The following B4GALT6 variants were observed in gnomAD, a reference collection of about 807,000 sequenced individuals.
B4GALT6 encodes UDP-Gal:beta-GlcNAc beta-1,4-galactosyltransferase 6.
In B4GALT6, 14 loss-of-function variants were observed where a neutral mutation model predicts 46.3. The observed-to-expected ratio is 0.30, with a 90% CI of 0.20 to 0.47. The LOEUF is 0.47. Ranked by LOEUF, B4GALT6 falls within the 20% of genes least tolerant of loss-of-function variation. The pLI, the probability that B4GALT6 is intolerant of heterozygous loss-of-function variation, is 0.99. For synonymous variants in B4GALT6, 168 were observed against 162.0 expected, an observed-to-expected ratio of 1.04 and a Z score of -0.28; for missense variants, 386 against 480.1, an observed-to-expected ratio of 0.80 and a Z score of 1.83.
chr18:31,653,445 T>C (rs1440322237), intron 3 of B4GALT6, among the ~76,000 whole-genome samples: 4 of 142,324 alleles, frequency 2.8e-5, no homozygotes, highest in Non-Finnish European at 4.6e-5. Flanking sequence ...CTTTTTTTTT[T>C]TTTTTTTTTT....
chr18:31,656,292 A>G (rs1033406598), intron 3 of B4GALT6, among the ~76,000 whole-genome samples: 11 of 152,198 alleles, frequency 7.2e-5, no homozygotes, highest in Middle Eastern at 3.2e-3. Flanking sequence ...GATACAAAAT[A>G]CATCAGAATA....
chr18:31,635,655 G>A (rs6506934), intron 5 of B4GALT6, among the ~76,000 whole-genome samples: 10,740 of 152,134 alleles, frequency 0.071, 1,293 homozygotes, highest in African/African-American at 0.25. Context: ...AAAAATTTGA[G>A]TATTTTCCAA....
chr18:31,697,166 G>T, the B4GALT6 span, among the ~76,000 whole-genome samples: 1 of 152,114 alleles, frequency 6.6e-6, no homozygotes, highest in African/African-American at 2.4e-5. Context: ...CAACTACTCA[G>T]AAGGCTGAGG....
upstream of B4GALT6, among the ~76,000 whole-genome samples, chr18:31,684,900 G>A (rs1007109668): frequency 1.3e-5 from 2 of 149,656 alleles, no homozygotes; most frequent in African/African-American, 4.9e-5. Flanking sequence ...CCGTGCTTAA[G>A]GTCCGGGCCG....
chr18:31,679,415 C>T (rs1220761077), intron 1 of B4GALT6, among the ~76,000 whole-genome samples: 1 of 152,226 alleles, frequency 6.6e-6, no homozygotes, highest in Admixed American at 6.5e-5. Context: ...TCTAACTCAT[C>T]TCTCATCTCT....
chr18:31,641,826 C>T (rs1391395280), intron 4 of B4GALT6, among the ~76,000 whole-genome samples: 1 of 152,170 alleles, frequency 6.6e-6, no homozygotes, highest in Non-Finnish European at 1.5e-5. Flanking sequence ...CTTATTTTCT[C>T]CTATATACAC....
intron 2 of B4GALT6, among the ~76,000 whole-genome samples, chr18:31,659,061 C>G (rs1285505209): frequency 6.6e-6 from 1 of 152,158 alleles, no homozygotes; most frequent in Non-Finnish European, 1.5e-5. Flanking sequence ...AAGAGAATGA[C>G]ATCAACATGC....
At chr18:31,724,079 G>A in the B4GALT6 span, 8 of 311,508 alleles carry the variant, frequency 2.6e-5, no homozygotes, top group South Asian at 2.0e-4. Flanking sequence ...GGGAGGTTTG[G>A]GCTGGATTGT....
At chr18:31,679,484 A>G (rs1487891526) in intron 1 of B4GALT6, among the ~76,000 whole-genome samples, 1 of 152,250 alleles carries the variant, frequency 6.6e-6, no homozygotes, top group Non-Finnish European at 1.5e-5. Flanking sequence ...GAAGGAGGGT[A>G]GCAAATCCCA....
the B4GALT6 span, among the ~76,000 whole-genome samples, chr18:31,721,095 A>T: frequency 7.0e-6 from 1 of 142,870 alleles, no homozygotes. Context: ...CACTTTAGGA[A>T]GTTCTTGGCA....
chr18:31,722,313 G>A, the B4GALT6 span, among the ~76,000 whole-genome samples: 3 of 152,050 alleles, frequency 2.0e-5, no homozygotes, highest in Non-Finnish European at 4.4e-5. Context: ...ACATACACAC[G>A]TATTCTCTGG....
intron 4 of B4GALT6, among the ~76,000 whole-genome samples, chr18:31,642,494 T>C (rs2073942331): frequency 6.6e-6 from 1 of 152,174 alleles, no homozygotes; most frequent in South Asian, 2.1e-4. Flanking sequence ...GCCTGGAAGT[T>C]ATAGACCAAA....
Position 31,655,116 on chromosome 18 carries a change from G to C in B4GALT6, c.346+2860C>G, listed in dbSNP as rs925038445. ...GGTATTGGAATCCCAGGTTTTACAG[G>C]TAGGTAAACTAAGCCTCCACTTTGC... On this transcript the variant is annotated intron_variant, in intron 3 of 8. Transcript: ENST00000306851. Among the ~76,000 whole-genome samples, 8 of 152,308 alleles carry C rather than the reference G, an allele frequency of 5.3e-5. No individual in the cohort carries two copies. The East Asian group carries it at 1.5e-3, about 29-fold the overall frequency.
At chr18:31,699,387 C>T in the B4GALT6 span, among the ~76,000 whole-genome samples, 1 of 151,456 alleles carries the variant, frequency 6.6e-6, no homozygotes, top group Admixed American at 6.6e-5. Flanking sequence ...ATTCTCCTGC[C>T]TCAGCCTCCC....
rs775243640 is a variant in B4GALT6, at chr18:31,625,637, A to G, written c.1126T>C (p.Leu376=). Residue 376 remains leucine, a synonymous_variant, in exon 9 of 9, where the codon TTA becomes CTA. Coordinates refer to ENST00000306851, the MANE Select transcript of B4GALT6 (RefSeq NM_004775.5). ...TNISVNLMPE[L]APIEDY Reference sequence around the variant, plus strand: ...TTTTAATAGTCTTCGATTGGAGCTAACTCTGGCATGAGGTTTACAGATATG... The same window carrying G: ...TTTTAATAGTCTTCGATTGGAGCTAGCTCTGGCATGAGGTTTACAGATATG... The G allele has an allele frequency of 5.1e-5, 83 of 1,612,976 alleles. No individual in the cohort carries two copies. Among genetic ancestry groups the G allele is most frequent in the Non-Finnish European group, 7.0e-5 (82 of 1,179,644 alleles).
At chr18:31,670,734 A>G (rs575165474) in intron 1 of B4GALT6, among the ~76,000 whole-genome samples, 1 of 152,350 alleles carries the variant, frequency 6.6e-6, no homozygotes, top group East Asian at 1.9e-4. Flanking sequence ...CTTGCTTATT[A>G]GTAGTAGTAT....
At chr18:31,656,573 C>A (rs1374110685) in intron 3 of B4GALT6, among the ~76,000 whole-genome samples, 1 of 151,228 alleles carries the variant, frequency 6.6e-6, no homozygotes, top group Non-Finnish European at 1.5e-5. Flanking sequence ...ATATTACACA[C>A]AAAGGTTAAA....
intron 1 of B4GALT6, among the ~76,000 whole-genome samples, chr18:31,681,180 C>T (rs1389714453): frequency 1.3e-5 from 2 of 152,198 alleles, no homozygotes; most frequent in Non-Finnish European, 2.9e-5. Flanking sequence ...GTCAGCTCAT[C>T]TTTGATATGA....
chr18:31,636,867 G>T lies in B4GALT6; in HGVS notation c.588+1777C>A, dbSNP rs112119330. On this transcript the variant is annotated intron_variant, in intron 5 of 8. Transcript: ENST00000306851. ...GATACAGTCTCGCTCTGCCGCCCAG[G>T]CTGAAGCGCAGTGGCGCAATCTTGG... is the stretch of plus-strand genomic sequence containing the variant. Among the ~76,000 whole-genome samples the T allele has an allele frequency of 1.4e-3, 211 of 152,200 alleles. 1 individual carries two copies. The highest frequency in any genetic ancestry group is 2.3e-3 in the South Asian group (11 of 4,818).
Sources: gnomAD v4.1 joint callset for allele counts (sites outside exome capture counted in the v4.1 genomes callset) on GRCh38, gnomAD v4.1.1 for gene constraint, MANE v1.5 for transcripts, NCBI Gene and HGNC (gene_info 2026-07-23, HGNC 2026-07-21) for gene names.